The following TMED10 variants were observed in gnomAD, a reference collection of about 807,000 sequenced individuals.
TMED10 encodes transmembrane p24 trafficking protein 10.
A neutral mutation model predicts 23.1 loss-of-function variants in TMED10; 7 were observed. That is an observed-to-expected ratio of 0.30 (90% CI 0.17 to 0.57). The LOEUF (loss-of-function observed/expected upper bound fraction) is 0.57, where lower values mean the gene tolerates loss of function less well. Among genes scored for constraint, TMED10 ranks in the 20% least tolerant of loss-of-function variants. The pLI is 0.91. For missense variants in TMED10, 162 were observed against 274.8 expected (o/e 0.59, Z 2.90); for synonymous variants, 113 against 106.9 (o/e 1.06, Z -0.35).
chr14:75,146,628 G>A (rs956698173), intron 3 of TMED10, among the ~76,000 whole-genome samples: 1 of 151,972 alleles, frequency 6.6e-6, no homozygotes, highest in African/African-American at 2.4e-5. Flanking sequence ...CCCAAGTCTC[G>A]CAGAGATGAA....
intron 3 of TMED10, among the ~76,000 whole-genome samples, chr14:75,137,454 C>T (rs1895763646): frequency 1.4e-5 from 2 of 145,592 alleles, no homozygotes; most frequent in African/African-American, 5.1e-5. Flanking sequence ...GGGTGGAACA[C>T]GAGGTCAGGA....
intron 1 of TMED10, among the ~76,000 whole-genome samples, chr14:75,159,493 T>C (rs1477216067): frequency 6.6e-6 from 1 of 152,224 alleles, no homozygotes; most frequent in Non-Finnish European, 1.5e-5. Context: ...AATTTAACAG[T>C]GTTTGCAGGA....
In TMED10 at chr14:75,135,146, T is replaced by G. The variant is rs1594862633; in HGVS notation, c.539-140A>C. ...TAACAGTAGGATTTCAGATAATTTTTCTTTTTAAGTTCATTATCCTGGCTG... is the reference window on the plus strand; with the variant it reads ...TAACAGTAGGATTTCAGATAATTTTGCTTTTTAAGTTCATTATCCTGGCTG... On this transcript the variant is annotated intron_variant, in intron 4 of 4. Transcript: ENST00000303575. The G allele has an allele frequency of 9.4e-6, 11 of 1,169,626 alleles. No individual in the cohort carries two copies. The East Asian group carries it at 2.9e-4, about 31-fold the overall frequency. The allele number at this position is 1,169,626 out of a possible 1,614,324, so 72.5% of individuals were successfully genotyped here.
intron 1 of TMED10, among the ~76,000 whole-genome samples, chr14:75,166,075 G>A (rs992454254): frequency 6.6e-6 from 1 of 152,108 alleles, no homozygotes; most frequent in East Asian, 1.9e-4. Context: ...ATACTACTGC[G>A]GGGGTGAAGC....
chr14:75,160,222 G>C (rs1381805742), intron 1 of TMED10, among the ~76,000 whole-genome samples: 1 of 152,066 alleles, frequency 6.6e-6, no homozygotes, highest in African/African-American at 2.4e-5. Flanking sequence ...ATATAACTTT[G>C]TAGTTATTTA....
chr14:75,146,097 C>T (rs1895880470), intron 3 of TMED10, among the ~76,000 whole-genome samples: 1 of 152,114 alleles, frequency 6.6e-6, no homozygotes, highest in Non-Finnish European at 1.5e-5. Context: ...ATAAAGAGGT[C>T]TTCTTGTTTT....
At chr14:75,151,162 T>C (rs1439592573) in intron 2 of TMED10, among the ~76,000 whole-genome samples, 1 of 151,996 alleles carries the variant, frequency 6.6e-6, no homozygotes, top group Non-Finnish European at 1.5e-5. Flanking sequence ...CGCCTCGGCC[T>C]CCCAACTGCT....
chr14:75,151,931 T>G lies in TMED10; in HGVS notation c.337+101A>C, dbSNP rs1895960374. On this transcript the variant is annotated intron_variant, in intron 2 of 4. Transcript: ENST00000303575. The stretch of plus-strand genomic sequence containing the variant: ...TAACAGGTCTCCAAATCAGAATAAA[T>G]AAAGAATACAAATGAAACTAGATAT... The G allele has an allele frequency of 7.7e-6, 8 of 1,041,984 alleles. 1 individual carries two copies. In the Admixed American group the frequency reaches 8.0e-5, roughly 10 times the overall value. 64.5% of individuals were successfully genotyped at this position (1,041,984 alleles called of 1,614,324 possible). A position where few individuals can be genotyped will look rare whatever the true frequency, so the allele number is the denominator to read the frequency against.
intron 1 of TMED10, among the ~76,000 whole-genome samples, chr14:75,169,558 TGA>T (rs1340904372): frequency 2.0e-5 from 3 of 152,098 alleles, no homozygotes; most frequent in African/African-American, 7.2e-5. Context: ...CTTGGGAGGC[TGA>T]GGCAGGAGAA....
chr14:75,139,986 A>T (rs1895801773), intron 3 of TMED10, among the ~76,000 whole-genome samples: 1 of 152,150 alleles, frequency 6.6e-6, no homozygotes, highest in South Asian at 2.1e-4. Flanking sequence ...AAACCACCAA[A>T]ATCTGACGGA....
intron 1 of TMED10, among the ~76,000 whole-genome samples, chr14:75,164,159 G>A (rs558312450): frequency 1.5e-4 from 23 of 151,482 alleles, no homozygotes; most frequent in African/African-American, 5.3e-4. Flanking sequence ...TCTGACTCCC[G>A]GGTTCAAGCA....
At chr14:75,146,445 T>C (rs1895883799) in intron 3 of TMED10, among the ~76,000 whole-genome samples, 1 of 152,232 alleles carries the variant, frequency 6.6e-6, no homozygotes, top group South Asian at 2.1e-4. Flanking sequence ...TTAGTTTGCA[T>C]TCTTCAAAAG....
chr14:75,166,143 C>A (rs533428398), intron 1 of TMED10, among the ~76,000 whole-genome samples: 1 of 152,136 alleles, frequency 6.6e-6, no homozygotes, highest in Non-Finnish European at 1.5e-5. Flanking sequence ...AAACCTCCAG[C>A]GTGACCCTTT....
chr14:75,156,941 G>GAAAAC (rs1896027099), intron 1 of TMED10, among the ~76,000 whole-genome samples: 1 of 151,438 alleles, frequency 6.6e-6, no homozygotes, highest in Non-Finnish European at 1.5e-5. Flanking sequence ...GAAAAGAAAA[G>GAAAAC]AAAAGAAAAG....
rs1371323747 is a variant in TMED10, at chr14:75,132,416, G to A, written c.*2469C>T. The A allele has an allele frequency of 1.4e-5, 2 of 142,418 alleles. No individual in the cohort carries two copies. The highest frequency in any genetic ancestry group is 1.5e-5 in the Non-Finnish European group (1 of 66,570). The allele number at this position is 142,418 out of a possible 1,614,324, so 8.8% of individuals were successfully genotyped here. ...CCCCCCAAAAAAAAAAAAGTTTAAGGATGTATCTTAACCCACATATTATTT... is the reference window on the plus strand; with the variant it reads ...CCCCCCAAAAAAAAAAAAGTTTAAGAATGTATCTTAACCCACATATTATTT... On this transcript the variant is annotated 3_prime_UTR_variant, in exon 5 of 5. Coordinates refer to ENST00000303575, the MANE Select transcript of TMED10 (RefSeq NM_006827.6).
chr14:75,174,749 A>T (rs1421964356), intron 1 of TMED10, among the ~76,000 whole-genome samples: 10 of 152,166 alleles, frequency 6.6e-5, no homozygotes, highest in African/African-American at 1.9e-4. Context: ...CCCTTTTAAA[A>T]AGTAAAAACG....
At chr14:75,140,724 A>T (rs1371268606) in intron 3 of TMED10, among the ~76,000 whole-genome samples, 2 of 151,934 alleles carry the variant, frequency 1.3e-5, no homozygotes, top group African/African-American at 2.4e-5. Context: ...ATAAATGAAG[A>T]AGTAGTAGTA....
At chr14:75,148,575 C>T (rs909991545) in intron 2 of TMED10, among the ~76,000 whole-genome samples, 1 of 152,090 alleles carries the variant, frequency 6.6e-6, no homozygotes, top group Non-Finnish European at 1.5e-5. Context: ...CAGCCCCAAT[C>T]CCCTGGAATT....
intron 1 of TMED10, among the ~76,000 whole-genome samples, chr14:75,164,575 ATATTTTT>A (rs1896136326): frequency 6.7e-5 from 2 of 29,736 alleles, no homozygotes; most frequent in African/African-American, 8.2e-4. Flanking sequence ...ATATATATAT[ATATTTTT>A]TTTTTTTTTT....
Sources: gnomAD v4.1 joint callset for allele counts (sites outside exome capture counted in the v4.1 genomes callset) on GRCh38, gnomAD v4.1.1 for gene constraint, MANE v1.5 for transcripts, NCBI Gene and HGNC (gene_info 2026-07-23, HGNC 2026-07-21) for gene names.